Variants in ZBBX observed in about 807,000 individuals in gnomAD.
The protein encoded by ZBBX is zinc finger B-box domain containing, also known as zinc finger B-box domain-containing protein 1.
In ZBBX, 101 loss-of-function variants were observed where a neutral mutation model predicts 108.5. The observed-to-expected ratio is 0.93, with a 90% CI of 0.79 to 1.10. ZBBX has a LOEUF of 1.10. ZBBX is among the 50% of genes least tolerant of loss of function. The probability of loss-of-function intolerance (pLI) is 0.00; values close to 1 mark genes in which losing one functional copy is unlikely to be tolerated. For synonymous variants in ZBBX, 356 were observed against 323.4 expected, an observed-to-expected ratio of 1.10 and a Z score of -1.08; for missense variants, 1,009 against 941.4, an observed-to-expected ratio of 1.07 and a Z score of -0.94.
chr3:167,295,749 A>ATATATATAT (rs1731567710), intron 18 of ZBBX, among the ~76,000 whole-genome samples: 1 of 12,364 alleles, frequency 8.1e-5, no homozygotes, highest in East Asian at 2.8e-3. Context: ...ATATATATAT[A>ATATATATAT]TATATATATA....
chr3:167,384,394 G>C (rs938071554), upstream of ZBBX, among the ~76,000 whole-genome samples: 2 of 152,044 alleles, frequency 1.3e-5, no homozygotes, highest in Non-Finnish European at 1.5e-5. Flanking sequence ...ACATTTGATA[G>C]CTTGGTAAAT....
chr3:167,309,498 G>T (rs529791612), intron 16 of ZBBX, among the ~76,000 whole-genome samples: 17 of 152,362 alleles, frequency 1.1e-4, no homozygotes, highest in African/African-American at 3.6e-4. Flanking sequence ...CTAGACAGAG[G>T]TTTCCAAACC....
At chr3:167,290,556 C>T (rs1360269200) in intron 18 of ZBBX, among the ~76,000 whole-genome samples, 4 of 152,134 alleles carry the variant, frequency 2.6e-5, no homozygotes, top group African/African-American at 9.7e-5. Flanking sequence ...TGAAGGTCAT[C>T]GACTTCAAAG....
intron 20 of ZBBX, among the ~76,000 whole-genome samples, chr3:167,269,639 A>T (rs1040003679): frequency 4.6e-5 from 7 of 152,338 alleles, no homozygotes; most frequent in Middle Eastern, 6.8e-3. Context: ...TAAAGCCCAT[A>T]ATTGAAAGTG....
intron 9 of ZBBX, among the ~76,000 whole-genome samples, chr3:167,348,438 G>GAGAAGAGGGAGAGAGAA (rs902308423): frequency 1.6e-4 from 1 of 6,180 alleles, no homozygotes; most frequent in Non-Finnish European, 3.2e-4. Context: ...GAGAGAGAAA[G>GAGAAGAGGGAGAGAGAA]AGAGAGAAGG....
intron 19 of ZBBX, among the ~76,000 whole-genome samples, chr3:167,287,907 A>G (rs1157720494): frequency 1.3e-5 from 2 of 152,138 alleles, no homozygotes; most frequent in African/African-American, 2.4e-5. Flanking sequence ...GAGAGTTTTA[A>G]TCATAGATTT....
At chr3:167,309,963 C>T (rs1734300138) in intron 16 of ZBBX, among the ~76,000 whole-genome samples, 1 of 152,080 alleles carries the variant, frequency 6.6e-6, no homozygotes, top group South Asian at 2.1e-4. Context: ...AGTTTCATAC[C>T]ATTTCTTTGT....
intron 5 of ZBBX, among the ~76,000 whole-genome samples, chr3:167,368,241 T>C (rs1172069222): frequency 2.0e-5 from 3 of 151,702 alleles, no homozygotes; most frequent in Non-Finnish European, 2.9e-5. Context: ...CCCAATAATG[T>C]TCAGAAGAAA....
intron 20 of ZBBX, among the ~76,000 whole-genome samples, chr3:167,275,570 C>T (rs543791555): frequency 2.4e-4 from 37 of 152,326 alleles, no homozygotes; most frequent in South Asian, 1.9e-3. Flanking sequence ...GCTTTTCCAA[C>T]GGGCTTAAAA....
At position 167,240,606 on chromosome 3, in the gene ZBBX, T is replaced by A. The variant is rs1433353896; in HGVS notation, c.*187A>T. Reference sequence around the variant, plus strand: ...GCAATATAGATTAGTGGTTGACATATAATATATCATTGGAAGAATAAGCCC... The same window carrying A: ...GCAATATAGATTAGTGGTTGACATAAAATATATCATTGGAAGAATAAGCCC... On this transcript the variant is annotated 3_prime_UTR_variant, in exon 22 of 22. Coordinates refer to ENST00000675490, the MANE Select transcript of ZBBX (RefSeq NM_001199201.2). The A allele has an allele frequency of 1.9e-6, 1 of 538,154 alleles. No homozygotes were observed. The highest frequency in any genetic ancestry group is 3.5e-5 in the Admixed American group (1 of 28,822). 33.3% of individuals were successfully genotyped at this position (538,154 alleles called of 1,614,324 possible).
the ZBBX span, among the ~76,000 whole-genome samples, chr3:167,183,348 A>G: frequency 6.6e-6 from 1 of 152,310 alleles, no homozygotes; most frequent in South Asian, 2.1e-4. Context: ...GTCCTCCAGC[A>G]TAGTTCCACG....
At chr3:167,317,969 T>G (rs1735741481) in intron 12 of ZBBX, among the ~76,000 whole-genome samples, 1 of 151,968 alleles carries the variant, frequency 6.6e-6, no homozygotes, top group Non-Finnish European at 1.5e-5. Context: ...GTCTTGGCAT[T>G]GTGTTGATGA....
At chr3:167,215,228 C>T in the ZBBX span, among the ~76,000 whole-genome samples, 8 of 151,588 alleles carry the variant, frequency 5.3e-5, no homozygotes, top group Admixed American at 2.0e-4. Context: ...AAATAGGCCA[C>T]TAGCTAGATT....
chr3:167,398,276 A>T (rs1748312876), intron 1 of ZBBX, among the ~76,000 whole-genome samples: 1 of 152,130 alleles, frequency 6.6e-6, no homozygotes, highest in Admixed American at 6.6e-5. Flanking sequence ...GCAAAAAAAG[A>T]TAACTTGACT....
intron 1 of ZBBX, among the ~76,000 whole-genome samples, chr3:167,398,596 T>G (rs1340119391): frequency 3.3e-5 from 5 of 152,046 alleles, no homozygotes; most frequent in Non-Finnish European, 7.4e-5. Flanking sequence ...TTAATGAACA[T>G]TTATTATCAC....
intron 20 of ZBBX, among the ~76,000 whole-genome samples, chr3:167,251,566 A>G (rs1212745955): frequency 3.3e-5 from 5 of 152,162 alleles, no homozygotes; most frequent in Non-Finnish European, 5.9e-5. Context: ...CCTTTCCGGT[A>G]TCAAAAGCAC....
the ZBBX span, among the ~76,000 whole-genome samples, chr3:167,190,060 A>C: frequency 6.6e-6 from 1 of 152,188 alleles, no homozygotes; most frequent in African/African-American, 2.4e-5. Flanking sequence ...TTATTGATAG[A>C]CATTTAGTTT....
chr3:167,254,268 G>A (rs1723090339), intron 20 of ZBBX, among the ~76,000 whole-genome samples: 1 of 152,176 alleles, frequency 6.6e-6, no homozygotes, highest in Admixed American at 6.6e-5. Context: ...AAAGGAGGGT[G>A]TGTATGTGCA....
At chr3:167,248,971 G>A (rs1443839414) in intron 20 of ZBBX, among the ~76,000 whole-genome samples, 2 of 152,184 alleles carry the variant, frequency 1.3e-5, no homozygotes, top group African/African-American at 4.8e-5. Flanking sequence ...CATTTTCTGA[G>A]TCTTTGTTGA....
Sources: allele counts gnomAD v4.1 joint callset (sites outside exome capture counted in the v4.1 genomes callset), GRCh38; gene constraint gnomAD v4.1.1; transcripts MANE v1.5; gene names NCBI Gene and HGNC (gene_info 2026-07-23, HGNC 2026-07-21).